ADRA1B: variants seen among roughly 807,000 people sequenced by gnomAD.
ADRA1B encodes adrenoceptor alpha 1B.
In ADRA1B, 17 loss-of-function variants were observed where a neutral mutation model predicts 17.9. The observed-to-expected ratio is 0.95, with a 90% CI of 0.65 to 1.42. ADRA1B has a LOEUF of 1.42. ADRA1B is among the 40% of genes most tolerant of loss of function. The pLI is 0.00. For missense variants in ADRA1B, 681 were observed against 722.1 expected (o/e 0.94, Z 0.65); for synonymous variants, 366 against 327.6 (o/e 1.12, Z -1.27).
At position 159,972,296 on chromosome 5, in the gene ADRA1B, T is replaced by C; in HGVS notation, c.1367T>C (p.Leu456Pro). ...AAGGCGCCCGGCGCCCTCCTGAGCC[T>C]GCCCGCGCCTGAGCCCCCCGGCCGC... The part of the protein sequence containing the change: ...EWKAPGALLS[L>P]PAPEPPGRRG... Residue 456 changes from leucine (L) to proline (P), a missense_variant, in exon 2 of 2, where the codon CTG (leucine) becomes CCG (proline). Physicochemically the swap from Leu to Pro is moderately conservative, Grantham distance 98. Transcript: ENST00000306675. 1 of 1,418,776 alleles carries C rather than the reference T, an allele frequency of 7.0e-7. No individual in the cohort carries two copies. The highest frequency in any genetic ancestry group is 9.2e-7 in the Non-Finnish European group (1 of 1,090,978). The allele number at this position is 1,418,776 out of a possible 1,614,324, so 87.9% of individuals were successfully genotyped here. A position where few individuals can be genotyped will look rare whatever the true frequency, so the allele number is the denominator to read the frequency against.
rs145148974 is a variant in ADRA1B, at chr5:159,946,673, T to C, written c.950-25206T>C. 1.4e-3 allele frequency among the ~76,000 whole-genome samples: 219 copies of C among 152,382 alleles called. 2 individuals carry two copies. The highest frequency in any genetic ancestry group is 5.1e-3 in the African/African-American group (212 of 41,592). ...CCACGATGATTTGAATTTTGTATTC[T>C]GTGATGTATATTATGAAAACAATTA... On this transcript the variant is annotated intron_variant, in intron 1 of 1. Transcript: ENST00000306675.
rs149630450 is a variant in ADRA1B, at chr5:159,892,678, G to T, written c.-255-23441G>T. Among the ~76,000 whole-genome samples, 250 of 152,220 alleles carry T rather than the reference G, an allele frequency of 1.6e-3. No homozygotes were observed. In the Middle Eastern group the frequency reaches 0.017, roughly 10 times the overall value. The stretch of plus-strand genomic sequence containing the variant: ...AAGACATGATCTCACTCCCTTTTAC[G>T]GCTGCATAGTATTCCATGGTGAATA... On this transcript the variant is annotated intron_variant, in intron 1 of 2. Transcript: ENST00000641205.
chr5:159,889,637 G>A (rs1403501683), intron 1 of ADRA1B, among the ~76,000 whole-genome samples: 3 of 152,168 alleles, frequency 2.0e-5, no homozygotes, highest in Non-Finnish European at 4.4e-5. Flanking sequence ...GGACCATAAT[G>A]GGGGTCATGC....
At chr5:159,869,355 C>A (rs1196718829) in intron 1 of ADRA1B, 1 of 152,182 alleles carries the variant, frequency 6.6e-6, no homozygotes, top group Non-Finnish European at 1.5e-5. Flanking sequence ...TAAGTGAAAA[C>A]TCTTATCAGA....
intron 1 of ADRA1B, among the ~76,000 whole-genome samples, chr5:159,963,402 C>T (rs939452836): frequency 6.6e-6 from 1 of 151,856 alleles, no homozygotes; most frequent in Non-Finnish European, 1.5e-5. Flanking sequence ...TAAATTCTAA[C>T]TCTATTACCT....
At chr5:159,965,926 C>T (rs1302042447) in intron 1 of ADRA1B, among the ~76,000 whole-genome samples, 1 of 152,084 alleles carries the variant, frequency 6.6e-6, no homozygotes, top group Non-Finnish European at 1.5e-5. Context: ...TGGGTTCAAG[C>T]GAGCATTTTG....
chr5:159,932,801 G>T (rs928587257), intron 1 of ADRA1B, among the ~76,000 whole-genome samples: 2 of 152,052 alleles, frequency 1.3e-5, no homozygotes, highest in African/African-American at 4.8e-5. Context: ...TATCTTGAAG[G>T]TCTTTCAATT....
At chr5:159,884,559 C>T (rs577780378) in intron 1 of ADRA1B, among the ~76,000 whole-genome samples, 16 of 152,106 alleles carry the variant, frequency 1.1e-4, no homozygotes, top group Non-Finnish European at 2.2e-4. Context: ...CCTCCAAAAC[C>T]ATAAAAAATA....
At chr5:159,934,911 G>A (rs779406027) in intron 1 of ADRA1B, among the ~76,000 whole-genome samples, 1 of 151,754 alleles carries the variant, frequency 6.6e-6, no homozygotes, top group South Asian at 2.1e-4. Flanking sequence ...TCTGTAAAAC[G>A]ACACCAAAAT....
At chr5:159,934,607 C>A (rs985739250) in intron 1 of ADRA1B, among the ~76,000 whole-genome samples, 10 of 151,988 alleles carry the variant, frequency 6.6e-5, no homozygotes, top group Admixed American at 2.0e-4. Context: ...GAGTTTGAGA[C>A]CAGCCTGGCC....
chr5:159,890,841 A>C (rs932834327), intron 1 of ADRA1B, among the ~76,000 whole-genome samples: 2 of 152,212 alleles, frequency 1.3e-5, no homozygotes, highest in African/African-American at 2.4e-5. Context: ...GCCACCCTAA[A>C]GGTGATGTGT....
chr5:159,969,095 T>C (rs1346349764), intron 1 of ADRA1B, among the ~76,000 whole-genome samples: 1 of 152,342 alleles, frequency 6.6e-6, no homozygotes, highest in African/African-American at 2.4e-5. Context: ...GACCCAAATC[T>C]AATGGTGTGA....
At chr5:159,886,164 T>C (rs1326036297) in intron 1 of ADRA1B, among the ~76,000 whole-genome samples, 2 of 152,230 alleles carry the variant, frequency 1.3e-5, no homozygotes, top group African/African-American at 4.8e-5. Context: ...GAGCAGGAGC[T>C]AGTGTAGCCA....
At chr5:159,897,571 A>G (rs555461447) in intron 1 of ADRA1B, among the ~76,000 whole-genome samples, 2 of 152,232 alleles carry the variant, frequency 1.3e-5, no homozygotes, top group East Asian at 1.9e-4. Flanking sequence ...ACTGCCAGAA[A>G]TGTTTCCTCC....
chr5:159,875,724 C>T (rs1467421198), intron 1 of ADRA1B, among the ~76,000 whole-genome samples: 2 of 152,198 alleles, frequency 1.3e-5, no homozygotes, highest in Non-Finnish European at 2.9e-5. Flanking sequence ...CACACAAGTT[C>T]CAGTTTTGCA....
At chr5:159,889,208 A>G (rs762315963) in intron 1 of ADRA1B, among the ~76,000 whole-genome samples, 8 of 152,174 alleles carry the variant, frequency 5.3e-5, no homozygotes, top group Non-Finnish European at 1.0e-4. Context: ...CACCTCATGG[A>G]AGGGCAAGAA....
chr5:159,897,547 T>C (rs1157898424), intron 1 of ADRA1B, among the ~76,000 whole-genome samples: 1 of 152,088 alleles, frequency 6.6e-6, no homozygotes, highest in Non-Finnish European at 1.5e-5. Context: ...TGGAGTGATT[T>C]TTAAAATTTC....
At chr5:159,927,768 C>A (rs11952941) in intron 1 of ADRA1B, among the ~76,000 whole-genome samples, 1 of 151,844 alleles carries the variant, frequency 6.6e-6, no homozygotes, top group Admixed American at 6.6e-5. Context: ...ATAGTGCAGA[C>A]GTCCAATAGT....
intron 1 of ADRA1B, chr5:159,867,096 C>A (rs1376337837): frequency 6.6e-6 from 1 of 152,198 alleles, no homozygotes; most frequent in Non-Finnish European, 1.5e-5. Flanking sequence ...CTCTGTTCAA[C>A]TGAATTTAAA....
Sources: gnomAD v4.1 joint callset for allele counts (sites outside exome capture counted in the v4.1 genomes callset) on GRCh38, gnomAD v4.1.1 for gene constraint, MANE v1.5 for transcripts, NCBI Gene and HGNC (gene_info 2026-07-23, HGNC 2026-07-21) for gene names.